Variants in SLC24A3 observed in about 807,000 individuals in gnomAD.
SLC24A3 encodes the protein solute carrier family 24 member 3.
In SLC24A3, 28 loss-of-function variants were observed where a neutral mutation model predicts 75.8. The ratio of observed to expected loss-of-function variants is 0.37; its 90% CI spans 0.27 to 0.51. The LOEUF (loss-of-function observed/expected upper bound fraction) is 0.51. Ranked by LOEUF, SLC24A3 falls within the 20% of genes least tolerant of loss-of-function variation. SLC24A3 has a pLI of 0.94. For missense variants in SLC24A3, 663 were observed against 847.8 expected (o/e 0.78, Z 2.71); for synonymous variants, 372 against 334.1 (o/e 1.11, Z -1.24).
chr20:19,381,615 C>T (rs1422972146), intron 2 of SLC24A3, among the ~76,000 whole-genome samples: 3 of 152,316 alleles, frequency 2.0e-5, no homozygotes, highest in African/African-American at 7.2e-5. Context: ...ACAGGAGTGA[C>T]CCCTCTTCCA....
At chr20:19,585,639 C>T (rs2122638159) in intron 6 of SLC24A3, 95 bp downstream of exon 6, 2 of 1,213,160 alleles carry the variant, frequency 1.6e-6, no homozygotes, top group South Asian at 2.7e-5. Flanking sequence ...TGGAACACAA[C>T]TTGCATTAGG....
intron 1 of SLC24A3, among the ~76,000 whole-genome samples, chr20:19,256,729 A>G (rs1379488435): frequency 1.3e-5 from 2 of 149,984 alleles, no homozygotes; most frequent in African/African-American, 2.5e-5. Context: ...AGATCATGCC[A>G]CTGCACTCCA....
intron 3 of SLC24A3, among the ~76,000 whole-genome samples, chr20:19,524,497 G>A (rs2030161475): frequency 6.6e-6 from 1 of 152,164 alleles, no homozygotes; most frequent in African/African-American, 2.4e-5. Context: ...TGGTGGTAGA[G>A]GAGACATAAT....
chr20:19,634,933 T>C (rs888884011), intron 6 of SLC24A3, among the ~76,000 whole-genome samples: 1 of 152,220 alleles, frequency 6.6e-6, no homozygotes, highest in Non-Finnish European at 1.5e-5. Flanking sequence ...CCAACCAAGA[T>C]AGAAGAAATT....
intron 6 of SLC24A3, among the ~76,000 whole-genome samples, chr20:19,625,620 T>C (rs1279211288): frequency 2.0e-5 from 3 of 152,198 alleles, no homozygotes; most frequent in Non-Finnish European, 4.4e-5. Flanking sequence ...TCAGTTCTTT[T>C]CTAAGGGATG....
intron 2 of SLC24A3, among the ~76,000 whole-genome samples, chr20:19,479,252 G>C (rs1988011663): frequency 6.6e-6 from 1 of 152,202 alleles, no homozygotes; most frequent in Non-Finnish European, 1.5e-5. Flanking sequence ...AGGAATATCT[G>C]ACTGTGGGCG....
chr20:19,340,249 A>G (rs775344844), intron 2 of SLC24A3, among the ~76,000 whole-genome samples: 9 of 152,218 alleles, frequency 5.9e-5, no homozygotes, highest in Non-Finnish European at 1.0e-4. Context: ...GAACACAGAC[A>G]TGCACACAGG....
At chr20:19,386,203 G>T (rs1249799522) in intron 2 of SLC24A3, among the ~76,000 whole-genome samples, 1 of 151,892 alleles carries the variant, frequency 6.6e-6, no homozygotes, top group Admixed American at 6.6e-5. Flanking sequence ...TTGTTTTCTT[G>T]GTTTCTTTCT....
intron 2 of SLC24A3, among the ~76,000 whole-genome samples, chr20:19,386,136 CTT>C (rs919670496): frequency 3.9e-5 from 6 of 152,130 alleles, no homozygotes; most frequent in African/African-American, 1.2e-4. Context: ...CTTTTTCTCT[CTT>C]AGGTTAAATT....
intron 2 of SLC24A3, among the ~76,000 whole-genome samples, chr20:19,432,403 A>G (rs563437150): frequency 6.6e-6 from 1 of 152,092 alleles, no homozygotes; most frequent in South Asian, 2.1e-4. Context: ...GATTAATTTG[A>G]AAGTATTAGA....
chr20:19,599,675 A>G (rs1445760049), intron 6 of SLC24A3, among the ~76,000 whole-genome samples: 1 of 152,192 alleles, frequency 6.6e-6, no homozygotes, highest in East Asian at 1.9e-4. Context: ...TATGGAATTT[A>G]GCAGGGATTG....
chr20:19,245,561 A>G (rs1471983862), intron 1 of SLC24A3, among the ~76,000 whole-genome samples: 3 of 152,166 alleles, frequency 2.0e-5, no homozygotes, highest in Non-Finnish European at 2.9e-5. Context: ...GAGAATTACT[A>G]AGATAATACA....
At chr20:19,548,483 G>T (rs1328811503) in intron 3 of SLC24A3, among the ~76,000 whole-genome samples, 2 of 152,140 alleles carry the variant, frequency 1.3e-5, no homozygotes, top group East Asian at 3.8e-4. Context: ...GTTTTCTATT[G>T]CTGTGGAACA....
intron 1 of SLC24A3, among the ~76,000 whole-genome samples, chr20:19,277,000 T>C (rs1229814647): frequency 1.3e-5 from 2 of 152,234 alleles, no homozygotes; most frequent in Non-Finnish European, 2.9e-5. Context: ...CAACCATCTT[T>C]GAAATAAGAC....
intron 1 of SLC24A3, among the ~76,000 whole-genome samples, chr20:19,273,938 G>T (rs1162790108): frequency 2.0e-5 from 3 of 151,078 alleles, no homozygotes; most frequent in African/African-American, 7.3e-5. Flanking sequence ...AGCCTTTTCA[G>T]TCCCTCCAAT....
Position 19,654,153 on chromosome 20 carries a change from A to G in SLC24A3, c.687+17A>G. The G allele has an allele frequency of 1.2e-6, 2 of 1,611,500 alleles. No homozygotes were observed. Among genetic ancestry groups the G allele is most frequent in the Non-Finnish European group, 1.7e-6 (2 of 1,177,994 alleles). The stretch of plus-strand genomic sequence containing the variant: ...CTCATCGTGGTGAGTCACTCTGGCC[A>G]TTTCAGCTCCCATCAGTGCTCTTTT... On this transcript the variant is annotated intron_variant, in intron 7 of 16. Coordinates refer to ENST00000328041, the MANE Select transcript of SLC24A3 (RefSeq NM_020689.4).
At chr20:19,505,364 G>A (rs188063931) in intron 2 of SLC24A3, among the ~76,000 whole-genome samples, 2 of 152,244 alleles carry the variant, frequency 1.3e-5, no homozygotes, top group East Asian at 3.9e-4. Flanking sequence ...ATGATTTAGG[G>A]GAAAATTCAT....
At chr20:19,604,208 G>A (rs893844029) in intron 6 of SLC24A3, among the ~76,000 whole-genome samples, 5 of 151,550 alleles carry the variant, frequency 3.3e-5, no homozygotes, top group African/African-American at 9.8e-5. Flanking sequence ...GGTCTGAAGA[G>A]AGTAAAATAG....
chr20:19,235,006 T>C (rs73899681), intron 1 of SLC24A3, among the ~76,000 whole-genome samples: 5,070 of 152,310 alleles, frequency 0.033, 258 homozygotes, highest in African/African-American at 0.12. Flanking sequence ...TCACACACAC[T>C]GAGTTAAATG....
Sources: allele counts gnomAD v4.1 joint callset (sites outside exome capture counted in the v4.1 genomes callset), GRCh38; gene constraint gnomAD v4.1.1; transcripts MANE v1.5; gene names NCBI Gene and HGNC (gene_info 2026-07-23, HGNC 2026-07-21).